Variants in ENTPD1 observed in about 807,000 individuals in gnomAD.
The protein encoded by ENTPD1 is ectonucleoside triphosphate diphosphohydrolase 1.
A neutral mutation model predicts 57.0 loss-of-function variants in ENTPD1; 33 were observed. That is an observed-to-expected ratio of 0.58 (90% CI 0.44 to 0.77). The LOEUF is 0.77. Ranked by LOEUF, ENTPD1 falls within the 30% of genes least tolerant of loss-of-function variation. ENTPD1 has a pLI of 0.00. For missense variants in ENTPD1, 501 were observed against 603.4 expected, an observed-to-expected ratio of 0.83 and a Z score of 1.78; for synonymous variants, 202 against 218.8, an observed-to-expected ratio of 0.92 and a Z score of 0.68.
intron 1 of ENTPD1, among the ~76,000 whole-genome samples, chr10:95,721,480 A>T (rs531153656): frequency 1.3e-5 from 2 of 152,334 alleles, no homozygotes; most frequent in South Asian, 4.1e-4. Flanking sequence ...TAGCAGTAAC[A>T]TTATATTTCT....
At chr10:95,749,048 C>T (rs1046244081) in intron 1 of ENTPD1, among the ~76,000 whole-genome samples, 3 of 152,172 alleles carry the variant, frequency 2.0e-5, no homozygotes, top group African/African-American at 4.8e-5. Context: ...TTTATACCCC[C>T]TTTTGTTATG....
At chr10:95,738,807 G>A (rs939578511) in intron 1 of ENTPD1, among the ~76,000 whole-genome samples, 7 of 152,184 alleles carry the variant, frequency 4.6e-5, no homozygotes, top group African/African-American at 1.7e-4. Context: ...GCACACTCTG[G>A]TTTAGGTGCT....
chr10:95,731,234 G>A (rs1418291689), intron 1 of ENTPD1, among the ~76,000 whole-genome samples: 1 of 152,190 alleles, frequency 6.6e-6, no homozygotes, highest in African/African-American at 2.4e-5. Context: ...CCCTGCTCTG[G>A]GTCCTGAGAG....
intron 1 of ENTPD1, among the ~76,000 whole-genome samples, chr10:95,792,252 G>A (rs1158245326): frequency 2.0e-5 from 3 of 152,116 alleles, no homozygotes; most frequent in South Asian, 4.1e-4. Context: ...GGGATGGTTG[G>A]TCACCCGAGT....
rs1324894268 is a variant in ENTPD1, at chr10:95,877,262, A to G, written c.*10879A>G. ...AACCTCTTAATAAACTTCTTCTGAA[A>G]TATACATTTGTGGGACAATTCTAGT... On this transcript the variant is annotated 3_prime_UTR_variant, in exon 10 of 10. Coordinates refer to ENST00000371205, the MANE Select transcript of ENTPD1 (RefSeq NM_001776.6). 2.0e-5 allele frequency among the ~76,000 whole-genome samples: 3 copies of G among 152,258 alleles called. No homozygotes were observed. Among genetic ancestry groups the G allele is most frequent in the Non-Finnish European group, 4.4e-5 (3 of 68,040 alleles).
At position 95,745,984 on chromosome 10, in the gene ENTPD1, T is replaced by G. The variant is rs192366489; in HGVS notation, c.37+33991T>G. 2.0e-5 allele frequency among the ~76,000 whole-genome samples: 3 copies of G among 152,330 alleles called. No individual in the cohort carries two copies. The East Asian group carries it at 5.8e-4, about 29-fold the overall frequency. On this transcript the variant is annotated intron_variant, in intron 1 of 9. Coordinates refer to the ENTPD1 transcript ENST00000453258. ...TCATACTTCACTCCCTCTCCCAACA[T>G]GGCCTCAGTCCCACAGCTGCTGGTT...
chr10:95,817,325 C>T (rs1015780366), intron 1 of ENTPD1, among the ~76,000 whole-genome samples: 11 of 152,178 alleles, frequency 7.2e-5, no homozygotes, highest in South Asian at 2.1e-4. Flanking sequence ...CAGGCTCTGT[C>T]CACACTTGGC....
chr10:95,814,375 A>G (rs1175546091), intron 1 of ENTPD1, among the ~76,000 whole-genome samples: 1 of 152,218 alleles, frequency 6.6e-6, no homozygotes, highest in Admixed American at 6.5e-5. Flanking sequence ...TCCCATACAT[A>G]GAGCCTCTGT....
chr10:95,771,315 T>C (rs1307616475), intron 1 of ENTPD1, among the ~76,000 whole-genome samples: 2 of 152,222 alleles, frequency 1.3e-5, no homozygotes, highest in African/African-American at 4.8e-5. Flanking sequence ...TTTCCAAATA[T>C]ATAATTATAT....
At chr10:95,755,975 A>C, upstream of ENTPD1, 11 of 1,464,854 alleles carry the variant, frequency 7.5e-6, no homozygotes, top group Non-Finnish European at 9.9e-6. Context: ...GATGCAAAAA[A>C]TTACAACCTG....
At chr10:95,857,555 C>G (rs969284749) in intron 7 of ENTPD1, among the ~76,000 whole-genome samples, 1 of 152,150 alleles carries the variant, frequency 6.6e-6, no homozygotes, top group African/African-American at 2.4e-5. Flanking sequence ...CATCAGTTCA[C>G]TAGAGGAAAA....
chr10:95,756,138 C>T (rs2098022417), upstream of ENTPD1: 1 of 1,551,776 alleles, frequency 6.4e-7, no homozygotes, highest in Non-Finnish European at 8.7e-7. Context: ...TCTGTTATAT[C>T]TCTGTTTCCT....
chr10:95,812,377 A>G lies in ENTPD1; in HGVS notation c.17-10860A>G, dbSNP rs548573146. Among the ~76,000 whole-genome samples, 40 of 152,316 alleles carry G rather than the reference A, an allele frequency of 2.6e-4. 2 individuals carry two copies. The South Asian group carries it at 8.1e-3, about 31-fold the overall frequency. ...AGTCTGGTTTCTTTTACTTAGCATA[A>G]TGCTTTTGAGATTCATACATATTGT... On this transcript the variant is annotated intron_variant, in intron 1 of 9. Transcript: ENST00000371205.
In ENTPD1 at chr10:95,852,868, G is replaced by C. The variant is rs566481311; in HGVS notation, c.1074+5162G>C. On this transcript the variant is annotated intron_variant, in intron 7 of 9. Coordinates refer to ENST00000371205, the MANE Select transcript of ENTPD1 (RefSeq NM_001776.6). Reference sequence around the variant, plus strand: ...ATAGTTTGAAGTCAGGTAGCGTGATGCCTTCAGCTTTGTTCTTTTGGCTTA... The same window carrying C: ...ATAGTTTGAAGTCAGGTAGCGTGATCCCTTCAGCTTTGTTCTTTTGGCTTA... Among the ~76,000 whole-genome samples the C allele has an allele frequency of 3.4e-3, 513 of 152,320 alleles. 2 individuals are homozygous for C. Among genetic ancestry groups the C allele is most frequent in the African/African-American group, 0.012 (485 of 41,574 alleles).
chr10:95,837,444 C>T (rs2098412707), intron 2 of ENTPD1, among the ~76,000 whole-genome samples: 1 of 152,222 alleles, frequency 6.6e-6, no homozygotes, highest in Non-Finnish European at 1.5e-5. Flanking sequence ...ACAATGGCCA[C>T]CACCTAAGCC....
In ENTPD1 at chr10:95,847,681, T is replaced by C; in HGVS notation, c.1049T>C (p.Leu350Ser). 4 of 1,614,208 alleles carry C rather than the reference T, an allele frequency of 2.5e-6. No homozygotes were observed. The highest frequency in any genetic ancestry group is 3.4e-6 in the Non-Finnish European group (4 of 1,180,028). The stretch of plus-strand genomic sequence containing the variant: ...CAGTGTGCCTTCAATGGGATTTTCT[T>C]GCCACCACTCCAGGGGGATTTTGGG... ...YSQCAFNGIF[L>S]PPLQGDFGAF... Residue 350 changes from leucine (L) to serine (S), a missense_variant, in exon 7 of 10, where the codon TTG becomes TCG. Coordinates refer to ENST00000371205, the MANE Select transcript of ENTPD1 (RefSeq NM_001776.6).
Position 95,872,068 on chromosome 10 carries a change from C to G in ENTPD1, c.*5685C>G. On this transcript the variant is annotated 3_prime_UTR_variant, in exon 10 of 10. Transcript: ENST00000371205. Reference sequence around the variant, plus strand: ...CCATCACTGGGACCTCCCCATTCTGCCTGTGCAATATTTTTCTTTTTTATT... The same window carrying G: ...CCATCACTGGGACCTCCCCATTCTGGCTGTGCAATATTTTTCTTTTTTATT... 1.0e-6 allele frequency: 1 copy of G among 985,410 alleles called. No individual in the cohort carries two copies. Among genetic ancestry groups the G allele is most frequent in the Middle Eastern group, 5.2e-4 (1 of 1,912 alleles). The allele number at this position is 985,410 out of a possible 1,614,324, so 61.0% of individuals were successfully genotyped here.
upstream of ENTPD1, among the ~76,000 whole-genome samples, chr10:95,707,948 A>T (rs2097963169): frequency 6.6e-6 from 1 of 152,120 alleles, no homozygotes; most frequent in Non-Finnish European, 1.5e-5. Context: ...CATTTGATTT[A>T]TGCGTTGTTC....
chr10:95,792,825 T>C (rs2098210663), intron 1 of ENTPD1, among the ~76,000 whole-genome samples: 1 of 152,198 alleles, frequency 6.6e-6, no homozygotes, highest in Non-Finnish European at 1.5e-5. Flanking sequence ...GCATTTGTTA[T>C]CCTAGTCACT....
Sources: gnomAD v4.1 joint callset for allele counts (sites outside exome capture counted in the v4.1 genomes callset) on GRCh38, gnomAD v4.1.1 for gene constraint, MANE v1.5 for transcripts, NCBI Gene and HGNC (gene_info 2026-07-23, HGNC 2026-07-21) for gene names.